TTC13: variants seen among roughly 807,000 people sequenced by gnomAD.
TTC13 encodes tetratricopeptide repeat domain 13.
A neutral mutation model predicts 120.0 loss-of-function variants in TTC13; 62 were observed. The ratio of observed to expected loss-of-function variants is 0.52; its 90% CI spans 0.42 to 0.64. TTC13 has a LOEUF of 0.64. TTC13 is among the 30% of genes least tolerant of loss of function. The probability of loss-of-function intolerance (pLI) is 0.00; values close to 1 mark genes in which losing one functional copy is unlikely to be tolerated. For missense variants in TTC13, 824 were observed against 1,050.2 expected (o/e 0.78, Z 2.98); for synonymous variants, 384 against 393.5 (o/e 0.98, Z 0.28).
intron 1 of TTC13, 83 bp from the exon 2 acceptor site, chr1:230,961,386 TC>T: frequency 1.0e-6 from 1 of 1,001,818 alleles, no homozygotes; most frequent in Non-Finnish European, 1.5e-6. Context: ...ATTTTTAGAC[TC>T]CACAGAACCA....
intron 18 of TTC13, 56 bp downstream of exon 18, chr1:230,916,137 C>T: frequency 7.8e-7 from 1 of 1,286,944 alleles, no homozygotes; most frequent in Non-Finnish European, 1.1e-6. Flanking sequence ...ACAATAAGCA[C>T]AGGCACCCTT....
intron 12 of TTC13, among the ~76,000 whole-genome samples, chr1:230,927,955 C>T (rs553693320): frequency 6.6e-6 from 1 of 152,314 alleles, no homozygotes; most frequent in East Asian, 1.9e-4. Flanking sequence ...ATCTCTAACA[C>T]ACCTTTCCCA....
At chr1:230,951,927 C>A (rs185700988) in intron 4 of TTC13, among the ~76,000 whole-genome samples, 8 of 152,200 alleles carry the variant, frequency 5.3e-5, no homozygotes, top group Admixed American at 5.2e-4. Flanking sequence ...TACAGTGTCT[C>A]GATGACACTG....
chr1:230,910,413 T>C (rs1199644448), intron 20 of TTC13, among the ~76,000 whole-genome samples: 3 of 152,166 alleles, frequency 2.0e-5, no homozygotes, highest in Non-Finnish European at 4.4e-5. Flanking sequence ...CTTAAACCCA[T>C]GGTTTTCAGA....
At chr1:230,972,511 C>T (rs1677869684) in intron 1 of TTC13, among the ~76,000 whole-genome samples, 2 of 152,174 alleles carry the variant, frequency 1.3e-5, no homozygotes, top group Admixed American at 1.3e-4. Context: ...AACAAAATGA[C>T]CTCTTTAAAA....
In TTC13 at chr1:230,957,762, G is replaced by A. The variant is rs146316224; in HGVS notation, c.442+462C>T. ...CAAACTATGTGACTCGTGCAGGTACGAATGAATTCAATTTTTCTACACCCA... is the reference window on the plus strand; with the variant it reads ...CAAACTATGTGACTCGTGCAGGTACAAATGAATTCAATTTTTCTACACCCA... On this transcript the variant is annotated intron_variant, in intron 3 of 22. Transcript: ENST00000366661. Among the ~76,000 whole-genome samples, 434 of 151,916 alleles carry A rather than the reference G, an allele frequency of 2.9e-3. 2 individuals are homozygous for A. The highest frequency in any genetic ancestry group is 9.9e-3 in the African/African-American group (411 of 41,382).
At chr1:230,935,008 TG>T (rs1445431082) in intron 8 of TTC13, among the ~76,000 whole-genome samples, 1 of 152,232 alleles carries the variant, frequency 6.6e-6, no homozygotes, top group Non-Finnish European at 1.5e-5. Context: ...CAAGACAGGC[TG>T]GTGTGCAAAC....
intron 18 of TTC13, among the ~76,000 whole-genome samples, chr1:230,915,594 T>C (rs549878084): frequency 1.3e-5 from 2 of 152,322 alleles, no homozygotes; most frequent in South Asian, 4.1e-4. Context: ...TTACTAAAAA[T>C]ACTTTTAAGA....
At chr1:230,948,347 T>TCTTG (rs1388556064) in intron 4 of TTC13, among the ~76,000 whole-genome samples, 2 of 137,430 alleles carry the variant, frequency 1.5e-5, no homozygotes, top group East Asian at 4.3e-4. Flanking sequence ...AAAGTGCTAA[T>TCTTG]CTTGACTTGC....
In TTC13 at chr1:230,943,683, C is replaced by T. The variant is rs147526628; in HGVS notation, c.672+123G>A. On this transcript the variant is annotated intron_variant, in intron 6 of 22. Transcript: ENST00000366661. Reference sequence around the variant, plus strand: ...AACCATGCTTAAAGGCATTAAGTACCGACATAGAAAAACATAAGAGTTTTA... The same window carrying T: ...AACCATGCTTAAAGGCATTAAGTACTGACATAGAAAAACATAAGAGTTTTA... 6.9e-3 allele frequency: 4,713 copies of T among 686,366 alleles called. 29 individuals are homozygous for T. Among genetic ancestry groups the T allele is most frequent in the South Asian group, 0.011 (436 of 40,092 alleles). The allele number at this position is 686,366 out of a possible 1,614,324, so 42.5% of individuals were successfully genotyped here. A position where few individuals can be genotyped will look rare whatever the true frequency, so the allele number is the denominator to read the frequency against.
intron 18 of TTC13, among the ~76,000 whole-genome samples, chr1:230,913,234 T>C (rs1041734606): frequency 3.3e-5 from 5 of 152,152 alleles, no homozygotes; most frequent in Admixed American, 2.6e-4. Flanking sequence ...CTGTGGAGGA[T>C]ATAAGTTTGA....
At chr1:230,914,772 T>A (rs1206103027) in intron 18 of TTC13, among the ~76,000 whole-genome samples, 2 of 152,084 alleles carry the variant, frequency 1.3e-5, no homozygotes, top group Non-Finnish European at 2.9e-5. Context: ...ACATATAAAA[T>A]ATATGTTAAT....
chr1:230,932,213 C>G (rs1264144322), intron 9 of TTC13, among the ~76,000 whole-genome samples: 1 of 151,988 alleles, frequency 6.6e-6, no homozygotes, highest in African/African-American at 2.4e-5. Context: ...TAGAAACACA[C>G]TTTTCCCATT....
chr1:230,971,048 T>C (rs763318714), intron 1 of TTC13, among the ~76,000 whole-genome samples: 1 of 152,144 alleles, frequency 6.6e-6, no homozygotes, highest in Admixed American at 6.5e-5. Context: ...TCTGCACTTA[T>C]AAGACAACCA....
rs1674442524 is a variant in TTC13 at position 230,940,576 on chromosome 1, A to T, written c.673-20T>A. ...CAGAATCTAGAAATCCCAAACATGT[A>T]ATCAGGAAGAATACCAATGACCAAC... On this transcript the variant is annotated intron_variant, in intron 6 of 22. Coordinates refer to ENST00000366661, the MANE Select transcript of TTC13 (RefSeq NM_024525.5). The surrounding 1 kb of genome is among the most constrained non-coding windows in gnomAD (Gnocchi z 4.1). 3 of 1,483,442 alleles carry T rather than the reference A, an allele frequency of 2.0e-6. No homozygotes were observed. Among genetic ancestry groups the T allele is most frequent in the Non-Finnish European group, 2.8e-6 (3 of 1,063,244 alleles). The allele number at this position is 1,483,442 out of a possible 1,614,324, so 91.9% of individuals were successfully genotyped here.
rs1224891385 is a variant in TTC13, at chr1:230,906,716, C to T, written c.*189G>A. 6.1e-6 allele frequency: 2 copies of T among 326,236 alleles called. No individual in the cohort carries two copies. The highest frequency in any genetic ancestry group is 1.1e-5 in the Non-Finnish European group (2 of 176,884). The allele number at this position is 326,236 out of a possible 1,614,324, so 20.2% of individuals were successfully genotyped here. ...CTCCAAGTCAAGTAGCTTTTTCCCC[C>T]CGAAAGCCTCTTTCATGATTTTCAT... On this transcript the variant is annotated 3_prime_UTR_variant, in exon 23 of 23. Coordinates refer to ENST00000366661, the MANE Select transcript of TTC13 (RefSeq NM_024525.5).
chr1:230,970,105 C>A (rs887468493), intron 1 of TTC13, among the ~76,000 whole-genome samples: 19 of 152,214 alleles, frequency 1.2e-4, no homozygotes, highest in Admixed American at 6.5e-4. Flanking sequence ...CCGGGTCTTG[C>A]CACAGCAATG....
At chr1:230,967,077 G>A (rs928460896) in intron 1 of TTC13, among the ~76,000 whole-genome samples, 1 of 152,074 alleles carries the variant, frequency 6.6e-6, no homozygotes, top group African/African-American at 2.4e-5. Flanking sequence ...ACTCTTTACA[G>A]CCCTATTAAT....
At chr1:230,968,145 CT>C (rs995990315) in intron 1 of TTC13, among the ~76,000 whole-genome samples, 4 of 85,498 alleles carry the variant, frequency 4.7e-5, no homozygotes, top group Non-Finnish European at 8.7e-5. Flanking sequence ...TTTTATTCTT[CT>C]TTTTTTTATC....
Sources: gnomAD v4.1 joint callset for allele counts (sites outside exome capture counted in the v4.1 genomes callset) on GRCh38, gnomAD v4.1.1 for gene constraint, Gnocchi (gnomAD v3.1) non-coding constraint, MANE v1.5 for transcripts, NCBI Gene and HGNC (gene_info 2026-07-23, HGNC 2026-07-21) for gene names.